GSTA2: variants seen among roughly 807,000 people sequenced by gnomAD.
The protein encoded by GSTA2 is glutathione S-transferase A2.
In GSTA2, 27 loss-of-function variants were observed where a neutral mutation model predicts 22.4. The ratio of observed to expected loss-of-function variants is 1.21; its 90% CI spans 0.89 to 1.67. The LOEUF (loss-of-function observed/expected upper bound fraction) is 1.67, where lower values mean the gene tolerates loss of function less well. Among genes scored for constraint, GSTA2 ranks in the 40% most tolerant of loss-of-function variants. The probability of loss-of-function intolerance (pLI) is 0.00; values close to 1 mark genes in which losing one functional copy is unlikely to be tolerated. For missense variants in GSTA2, 302 were observed against 260.2 expected (o/e 1.16, Z -1.11); for synonymous variants, 121 against 86.8 (o/e 1.39, Z -2.19).
intron 6 of GSTA2, 22 bp from the exon 7 acceptor site, chr6:52,750,721 C>T: frequency 1.9e-6 from 3 of 1,610,688 alleles, no homozygotes; most frequent in Non-Finnish European, 2.5e-6. Flanking sequence ...AAAGCACAGC[C>T]TCACTAAAAC....
At chr6:52,759,588 T>TG (rs1762917811) in intron 1 of GSTA2, among the ~76,000 whole-genome samples, 1 of 127,932 alleles carries the variant, frequency 7.8e-6, no homozygotes, top group African/African-American at 3.2e-5. Flanking sequence ...TTTTTTTTTT[T>TG]TTTTTTTTTT....
rs70977382 is a variant in GSTA2, at chr6:52,759,563, G to GTTTTTTTTTTTTTTTTTTTTTTTT, written c.-30-1610_-30-1587dup. Among the ~76,000 whole-genome samples, 2 of 34,196 alleles carry GTTTTTTTTTTTTTTTTTTTTTTTT rather than the reference G, an allele frequency of 5.8e-5. 1 individual carries two copies. The highest frequency in any genetic ancestry group is 1.2e-4 in the Non-Finnish European group (2 of 16,552). 22.4% of individuals were successfully genotyped at this position (34,196 alleles called of 152,430 possible). On this transcript the variant is annotated intron_variant, in intron 1 of 6. Transcript: ENST00000493422. The stretch of plus-strand genomic sequence containing the variant: ...CCTTTAACAACTAATGTATTTATTT[G>GTTTTTTTTTTTTTTTTTTTTTTTT]TTTTTTTTTTTTTTTTTTTTTTTTT...
intron 1 of GSTA2, among the ~76,000 whole-genome samples, chr6:52,762,478 C>T (rs554224533): frequency 6.6e-6 from 1 of 152,278 alleles, no homozygotes; most frequent in African/African-American, 2.4e-5. Flanking sequence ...TGTATGTGCA[C>T]ATCAAAACAC....
rs777352815 is a variant in GSTA2 at position 52,751,579 on chromosome 6, T to G, written c.544A>C (p.Lys182Gln). 1 of 1,614,056 alleles carries G rather than the reference T, an allele frequency of 6.2e-7. No individual in the cohort carries two copies. Among genetic ancestry groups the G allele is most frequent in the South Asian group, 1.1e-5 (1 of 91,082 alleles). The change falls in exon 6 of 7, where the codon AAG (lysine) becomes CAG (glutamine). Residue 182 changes from lysine to glutamine, a missense_variant and splice_region_variant. Coordinates refer to ENST00000493422, the MANE Select transcript of GSTA2 (RefSeq NM_000846.5). ...SSLISSFPLL[K>Q]ALKTRISNLP... ...CTGAAGACTGTGAAATGGGTCACCT[T>G]CAGCAGAGGGAAGCTGGAAATAAGG... is the stretch of plus-strand genomic sequence containing the variant.
intron 2 of GSTA2, among the ~76,000 whole-genome samples, chr6:52,756,866 A>C (rs1356536908): frequency 6.6e-6 from 1 of 152,258 alleles, no homozygotes; most frequent in Non-Finnish European, 1.5e-5. Context: ...CGTGAGACAC[A>C]ATAGGGTAAA....
chr6:52,757,741 C>G, intron 2 of GSTA2, 120 bp downstream of exon 2: 2 of 850,316 alleles, frequency 2.4e-6, no homozygotes, highest in Non-Finnish European at 2.0e-6. Context: ...TTCTTAATTA[C>G]AGTCCCTTTT....
chr6:52,761,622 A>C (rs1762951602), intron 1 of GSTA2, among the ~76,000 whole-genome samples: 1 of 150,502 alleles, frequency 6.6e-6, no homozygotes, highest in East Asian at 1.9e-4. Flanking sequence ...ATTAACAGGA[A>C]GTTTTCAGTG....
At chr6:52,754,899 A>G in intron 4 of GSTA2, 44 bp downstream of exon 4, 1 of 1,608,438 alleles carries the variant, frequency 6.2e-7, no homozygotes, top group Non-Finnish European at 8.5e-7. Context: ...GACCTAAATC[A>G]CTCTATGTTC....
At chr6:52,758,066 A>G (rs1762881863) in intron 1 of GSTA2, 89 bp from the exon 2 acceptor site, 8 of 749,096 alleles carry the variant, frequency 1.1e-5, no homozygotes, top group Admixed American at 5.3e-5. Context: ...ACCACAAACA[A>G]TGCTGAAGAA....
intron 1 of GSTA2, 32 bp from the exon 2 acceptor site, chr6:52,758,009 A>G (rs1422162102): frequency 1.6e-6 from 2 of 1,237,796 alleles, no homozygotes; most frequent in Non-Finnish European, 2.4e-6. Context: ...TGAATGAATA[A>G]TTGAAACGAT....
rs879861952 is a variant in GSTA2 at position 52,750,222 on chromosome 6, C to T, written c.*355G>A. On this transcript the variant is annotated 3_prime_UTR_variant, in exon 7 of 7. Coordinates refer to ENST00000493422, the MANE Select transcript of GSTA2 (RefSeq NM_000846.5). ...TGCATACCTGAAAATGTCAGAGGTG[C>T]ATTTTTACATTGGCATTTTAATAGA... 1.5e-4 allele frequency: 29 copies of T among 189,082 alleles called. No individual in the cohort carries two copies. The highest frequency in any genetic ancestry group is 2.5e-4 in the Non-Finnish European group (23 of 91,002). The allele number at this position is 189,082 out of a possible 1,614,324, so 11.7% of individuals were successfully genotyped here.
chr6:52,750,811 T>G (rs1762723116), intron 6 of GSTA2, 112 bp from the exon 7 acceptor site: 6 of 1,335,298 alleles, frequency 4.5e-6, no homozygotes, highest in African/African-American at 1.5e-5. Flanking sequence ...GTGAGTCGCT[T>G]CCACTTGGGT....
At chr6:52,760,221 A>C (rs1201117008) in intron 1 of GSTA2, among the ~76,000 whole-genome samples, 4 of 152,316 alleles carry the variant, frequency 2.6e-5, no homozygotes, top group African/African-American at 9.6e-5. Flanking sequence ...AATCCCCAAA[A>C]TAAACTCTCT....
chr6:52,752,245 C>T (rs556971816), intron 5 of GSTA2, among the ~76,000 whole-genome samples: 7 of 152,274 alleles, frequency 4.6e-5, no homozygotes, highest in Admixed American at 4.6e-4. Flanking sequence ...AATTCATCAT[C>T]TTTTTTACAG....
At chr6:52,761,821 G>C (rs1217433368) in intron 1 of GSTA2, among the ~76,000 whole-genome samples, 1 of 150,614 alleles carries the variant, frequency 6.6e-6, no homozygotes, top group African/African-American at 2.4e-5. Context: ...TAGGTAGAGG[G>C]CAGGGATGTG....
At chr6:52,756,742 G>T (rs1762852322) in intron 2 of GSTA2, among the ~76,000 whole-genome samples, 2 of 152,248 alleles carry the variant, frequency 1.3e-5, no homozygotes, top group Admixed American at 6.5e-5. Flanking sequence ...CCACCAAGGA[G>T]CCTCTGCTGT....
rs151112301 is a variant in GSTA2 at position 52,752,877 on chromosome 6, G to C, written c.391C>G (p.Arg131Gly). 6.2e-7 allele frequency: 1 copy of C among 1,613,902 alleles called. No homozygotes were observed. The highest frequency in any genetic ancestry group is 8.5e-7 in the Non-Finnish European group (1 of 1,179,902). ...LALIQEKTKN[R>G]YFPAFEKVLK... ...ACTTTTTCAAAGGCAGGGAAGTAGC[G>C]ATTTTTTGTTTTCTCTTGGATCAAG... Residue 131 changes from arginine to glycine, a missense_variant, in exon 5 of 7, where the codon CGC becomes GGC. Transcript: ENST00000493422.
intron 1 of GSTA2, among the ~76,000 whole-genome samples, chr6:52,760,116 A>T (rs1041948664): frequency 2.0e-5 from 3 of 152,208 alleles, no homozygotes; most frequent in Non-Finnish European, 4.4e-5. Context: ...AAATAGCATA[A>T]TTCGACAGAA....
chr6:52,762,250 A>G (rs925296073), intron 1 of GSTA2, among the ~76,000 whole-genome samples: 5 of 152,238 alleles, frequency 3.3e-5, no homozygotes, highest in African/African-American at 1.2e-4. Context: ...GACACCCATA[A>G]ACGGTCTGTG....
Sources: allele counts gnomAD v4.1 joint callset (sites outside exome capture counted in the v4.1 genomes callset), GRCh38; gene constraint gnomAD v4.1.1; transcripts MANE v1.5; gene names NCBI Gene and HGNC (gene_info 2026-07-23, HGNC 2026-07-21).